NIM1K: variants seen among roughly 807,000 people sequenced by gnomAD.
NIM1K encodes the protein serine/threonine-protein kinase NIM1.
A neutral mutation model predicts 37.1 loss-of-function variants in NIM1K; 35 were observed. The observed-to-expected ratio is 0.94, with a 90% CI of 0.72 to 1.25. The LOEUF is 1.25. Among genes scored for constraint, NIM1K ranks in the 50% most tolerant of loss-of-function variants. The pLI, the probability that NIM1K is intolerant of heterozygous loss-of-function variation, is 0.00. For missense variants in NIM1K, 564 were observed against 548.0 expected (o/e 1.03, Z -0.29); for synonymous variants, 234 against 206.6 (o/e 1.13, Z -1.14).
chr5:43,275,798 G>T (rs1330961196), intron 2 of NIM1K, among the ~76,000 whole-genome samples: 2 of 151,960 alleles, frequency 1.3e-5, no homozygotes, highest in African/African-American at 2.4e-5. Flanking sequence ...TCCTGAAGAG[G>T]TTCATTCTGA....
intron 2 of NIM1K, among the ~76,000 whole-genome samples, chr5:43,266,380 A>G (rs1453492661): frequency 6.6e-6 from 1 of 152,204 alleles, no homozygotes; most frequent in Non-Finnish European, 1.5e-5. Flanking sequence ...CTGCTGTGCT[A>G]GCAGTGAGTG....
Position 43,276,958 on chromosome 5 carries a change from C to T in NIM1K, c.293-99C>T, listed in dbSNP as rs529903718. On this transcript the variant is annotated intron_variant, in intron 2 of 3. Transcript: ENST00000326035. ...AGCTCTCTCAGCTTGGGAACAGCCA[C>T]TCTCTGTCTAGTAAAGGAAAGGAGC... The T allele has an allele frequency of 6.5e-6, 8 of 1,232,232 alleles. No homozygotes were observed. In the South Asian group the frequency reaches 1.1e-4, roughly 18 times the overall value. 76.3% of individuals were successfully genotyped at this position (1,232,232 alleles called of 1,614,324 possible).
In NIM1K at chr5:43,202,346, G is replaced by A. The variant is rs866235639; in HGVS notation, c.-695+9935G>A. The stretch of plus-strand genomic sequence containing the variant: ...TTATAGGTGTAAGCCACTGTGCCTA[G>A]CCCCCAAATTTGTTTTAGATATTTA... On this transcript the variant is annotated intron_variant, in intron 1 of 3. Transcript: ENST00000326035. Among the ~76,000 whole-genome samples the A allele has an allele frequency of 2.6e-5, 4 of 152,066 alleles. No homozygotes were observed. In the South Asian group the frequency reaches 8.3e-4, roughly 32 times the overall value.
chr5:43,244,278 C>T (rs1752746036), intron 1 of NIM1K, among the ~76,000 whole-genome samples: 1 of 152,226 alleles, frequency 6.6e-6, no homozygotes. Flanking sequence ...TAAACACTTT[C>T]TATATGTAAG....
chr5:43,275,145 T>C (rs1160290365), intron 2 of NIM1K, among the ~76,000 whole-genome samples: 1 of 152,144 alleles, frequency 6.6e-6, no homozygotes, highest in Non-Finnish European at 1.5e-5. Flanking sequence ...AATTAGAAAA[T>C]CTCTATTCTA....
chr5:43,280,270 C>T lies in NIM1K; in HGVS notation c.852C>T (p.Leu284=), dbSNP rs1579618404. Residue 284 remains leucine (L), a synonymous_variant, in exon 4 of 4, where the codon CTC becomes CTT. Transcript: ENST00000326035. The part of the protein sequence containing the change: ...ETVAKLKKSI[L]EGTYSVPPHV... ...TGGCCAAACTAAAAAAGAGCATCCT[C>T]GAGGGCACATACAGTGTACCGCCGC... The T allele has an allele frequency of 4.3e-6, 7 of 1,614,144 alleles. No homozygotes were observed. In the East Asian group the frequency reaches 1.1e-4, roughly 26 times the overall value.
At chr5:43,220,411 G>A (rs1251425235) in intron 1 of NIM1K, among the ~76,000 whole-genome samples, 1 of 150,420 alleles carries the variant, frequency 6.6e-6, no homozygotes, top group Non-Finnish European at 1.5e-5. Context: ...TTAGCATCCC[G>A]AGTAGCTGAG....
chr5:43,259,665 C>T (rs559263244), intron 2 of NIM1K, among the ~76,000 whole-genome samples: 5 of 151,910 alleles, frequency 3.3e-5, no homozygotes, highest in African/African-American at 4.8e-5. Context: ...GTTTGAGTTC[C>T]CTGTAAATTC....
intron 2 of NIM1K, among the ~76,000 whole-genome samples, chr5:43,270,281 T>G (rs1437204518): frequency 2.0e-5 from 3 of 152,164 alleles, no homozygotes; most frequent in Non-Finnish European, 4.4e-5. Context: ...AGAAAATTGA[T>G]GCAGGAGAGA....
chr5:43,262,574 C>G (rs1269496821), intron 2 of NIM1K, among the ~76,000 whole-genome samples: 1 of 152,148 alleles, frequency 6.6e-6, no homozygotes, highest in East Asian at 1.9e-4. Context: ...TTGACTTCCT[C>G]TTTTCCTAAT....
chr5:43,219,643 T>A (rs1311490430), intron 1 of NIM1K, among the ~76,000 whole-genome samples: 1 of 152,182 alleles, frequency 6.6e-6, no homozygotes, highest in Non-Finnish European at 1.5e-5. Context: ...AGATTCCATA[T>A]ACAAATACAA....
At chr5:43,199,189 C>CAAAAAAAA (rs1368419224) in intron 1 of NIM1K, among the ~76,000 whole-genome samples, 12 of 9,818 alleles carry the variant, frequency 1.2e-3, no homozygotes, top group African/African-American at 1.7e-3. Flanking sequence ...GCTCTGTCTC[C>CAAAAAAAA]AAAAAAAAAA....
intron 2 of NIM1K, among the ~76,000 whole-genome samples, chr5:43,271,212 C>T (rs1050574881): frequency 6.6e-6 from 1 of 151,828 alleles, no homozygotes; most frequent in East Asian, 1.9e-4. Flanking sequence ...TGAAATGACT[C>T]ACAAGACCTT....
At chr5:43,264,201 G>A (rs191533267) in intron 2 of NIM1K, among the ~76,000 whole-genome samples, 219 of 152,266 alleles carry the variant, frequency 1.4e-3, no homozygotes, top group African/African-American at 5.2e-3. Context: ...TCATTGATCT[G>A]TCTAATGTTG....
intron 1 of NIM1K, among the ~76,000 whole-genome samples, chr5:43,210,627 G>A (rs1182957070): frequency 6.6e-6 from 1 of 152,092 alleles, no homozygotes; most frequent in Non-Finnish European, 1.5e-5. Context: ...TATGCAGGGG[G>A]AATGTCATGC....
chr5:43,276,993 T>C (rs1753351347), intron 2 of NIM1K, 64 bp from the exon 3 acceptor site: 1 of 1,521,090 alleles, frequency 6.6e-7, no homozygotes, highest in Non-Finnish European at 9.0e-7. Flanking sequence ...CTGATCCAGG[T>C]CCTCTCCAGT....
At chr5:43,205,879 A>AT (rs1203329558) in intron 1 of NIM1K, among the ~76,000 whole-genome samples, 8 of 151,952 alleles carry the variant, frequency 5.3e-5, no homozygotes, top group African/African-American at 1.7e-4. Context: ...CGCATGGCTG[A>AT]TTTTTTGTAT....
intron 1 of NIM1K, among the ~76,000 whole-genome samples, chr5:43,199,408 A>T (rs2112199525): frequency 6.6e-6 from 1 of 152,006 alleles, no homozygotes; most frequent in East Asian, 1.9e-4. Flanking sequence ...TTCTTGCAGA[A>T]GAAGAGGTCT....
At chr5:43,194,290 C>T (rs1751879405) in intron 1 of NIM1K, among the ~76,000 whole-genome samples, 1 of 152,182 alleles carries the variant, frequency 6.6e-6, no homozygotes, top group Non-Finnish European at 1.5e-5. Flanking sequence ...GGGGAAAAAG[C>T]TGAATCCAAC....
Sources: gnomAD v4.1 joint callset for allele counts (sites outside exome capture counted in the v4.1 genomes callset) on GRCh38, gnomAD v4.1.1 for gene constraint, MANE v1.5 for transcripts, NCBI Gene and HGNC (gene_info 2026-07-23, HGNC 2026-07-21) for gene names.